Variants in TTLL11 observed in about 807,000 individuals in gnomAD.
The protein encoded by TTLL11 is tubulin polyglutamylase TTLL11.
TTLL11 carries 42 observed loss-of-function variants against 51.7 expected under a neutral mutation model. That is an observed-to-expected ratio of 0.81 (90% confidence interval 0.64 to 1.05). TTLL11 has a LOEUF of 1.05. TTLL11 is among the 50% of genes least tolerant of loss of function. The pLI is 0.00. For missense variants in TTLL11, 799 were observed against 940.4 expected (o/e 0.85, Z 1.97); for synonymous variants, 381 against 383.5 (o/e 0.99, Z 0.08).
chr9:121,951,485 AG>A (rs1841849778), intron 6 of TTLL11, among the ~76,000 whole-genome samples: 1 of 152,252 alleles, frequency 6.6e-6, no homozygotes, highest in Non-Finnish European at 1.5e-5. Context: ...ATAATTTACA[AG>A]GGACACTTAT....
At chr9:121,967,141 G>A (rs906960095) in intron 6 of TTLL11, among the ~76,000 whole-genome samples, 9 of 151,212 alleles carry the variant, frequency 6.0e-5, no homozygotes, top group Non-Finnish European at 1.3e-4. Flanking sequence ...TCCCAGGCCT[G>A]GCTGATACCA....
At chr9:122,092,609 C>CCTGGG in intron 1 of TTLL11, 78 bp downstream of exon 1, 12 of 1,524,446 alleles carry the variant, frequency 7.9e-6, no homozygotes, top group Non-Finnish European at 1.1e-5. Flanking sequence ...GCCGACCTGA[C>CCTGGG]CTGGGCCGTG....
rs1478477703 is a variant in TTLL11, at chr9:122,040,482, T to C, written c.463-1114A>G. ...TTTAAATCTGTAACTCAGATGACCTTGTTAAAGGAGAAAAGAGAGGCCATG... is the reference window on the plus strand; with the variant it reads ...TTTAAATCTGTAACTCAGATGACCTCGTTAAAGGAGAAAAGAGAGGCCATG... On this transcript the variant is annotated intron_variant, in intron 1 of 8. Coordinates refer to ENST00000321582, the MANE Select transcript of TTLL11 (RefSeq NM_001139442.2). 7.5e-6 allele frequency: 7 copies of C among 932,472 alleles called. No individual in the cohort carries two copies. The African/African-American group carries it at 8.9e-5, about 12-fold the overall frequency. 57.8% of individuals were successfully genotyped at this position (932,472 alleles called of 1,614,324 possible).
intron 4 of TTLL11, among the ~76,000 whole-genome samples, chr9:121,984,094 C>A (rs545157746): frequency 3.2e-4 from 48 of 152,048 alleles, no homozygotes; most frequent in Non-Finnish European, 6.3e-4. Flanking sequence ...CAAATTATGT[C>A]CAAGACAGCA....
chr9:122,076,217 C>T (rs1564387440), intron 1 of TTLL11, among the ~76,000 whole-genome samples: 1 of 152,206 alleles, frequency 6.6e-6, no homozygotes, highest in Non-Finnish European at 1.5e-5. Flanking sequence ...TCTCTGCCTC[C>T]ACTCTTCAAG....
chr9:121,859,018 CAG>C (rs1206847713), intron 8 of TTLL11, among the ~76,000 whole-genome samples: 3 of 152,198 alleles, frequency 2.0e-5, no homozygotes, highest in African/African-American at 7.2e-5. Context: ...TGCGGGCTCA[CAG>C]TTCCTGTGTG....
chr9:122,022,407 A>G (rs946770995), intron 3 of TTLL11, among the ~76,000 whole-genome samples: 1 of 152,078 alleles, frequency 6.6e-6, no homozygotes, highest in African/African-American at 2.4e-5. Context: ...AATGTTATAT[A>G]AAGAAGATCA....
chr9:121,973,216 G>A (rs1842618446), intron 6 of TTLL11, among the ~76,000 whole-genome samples: 1 of 152,232 alleles, frequency 6.6e-6, no homozygotes, highest in Admixed American at 6.5e-5. Flanking sequence ...ATGTACCACT[G>A]AGTGGGTGGG....
rs1588218023 is a variant in TTLL11 at position 122,028,714 on chromosome 9, G to A, written c.693+3009C>T. ...ATAAGATGCTACATCAACAACTCCA[G>A]AATACTTATTATTTCCCAGGGCCAT... On this transcript the variant is annotated intron_variant, in intron 3 of 8. Coordinates refer to ENST00000321582, the MANE Select transcript of TTLL11 (RefSeq NM_001139442.2). Among the ~76,000 whole-genome samples the A allele has an allele frequency of 4.6e-5, 7 of 152,194 alleles. No individual in the cohort carries two copies. In the South Asian group the frequency reaches 1.5e-3, roughly 32 times the overall value.
intron 6 of TTLL11, among the ~76,000 whole-genome samples, chr9:121,907,450 C>CAAA (rs5900502): frequency 5.7e-4 from 68 of 118,652 alleles, no homozygotes; most frequent in African/African-American, 1.7e-3. Context: ...AACTCTGTCT[C>CAAA]AAAAAAAAAA....
At chr9:121,887,259 G>T (rs1257543866) in intron 6 of TTLL11, among the ~76,000 whole-genome samples, 3 of 152,206 alleles carry the variant, frequency 2.0e-5, no homozygotes, top group Non-Finnish European at 4.4e-5. Context: ...AGCCCAAGCA[G>T]CTTCCTTTGC....
At chr9:122,021,610 T>C (rs1163863509) in intron 3 of TTLL11, among the ~76,000 whole-genome samples, 2 of 152,206 alleles carry the variant, frequency 1.3e-5, no homozygotes, top group Admixed American at 6.5e-5. Flanking sequence ...TGAGGAATAG[T>C]AAGCCTTAGA....
chr9:121,832,915 G>A (rs1292470625), intron 8 of TTLL11, among the ~76,000 whole-genome samples: 1 of 152,196 alleles, frequency 6.6e-6, no homozygotes, highest in Non-Finnish European at 1.5e-5. Context: ...ACTCCAGCCT[G>A]GGCAACAGAG....
chr9:122,007,297 G>A (rs1036995994), intron 3 of TTLL11, among the ~76,000 whole-genome samples: 4 of 151,726 alleles, frequency 2.6e-5, no homozygotes, highest in African/African-American at 7.3e-5. Flanking sequence ...AAGTAAAAGG[G>A]TGCTCAGAAA....
intron 6 of TTLL11, among the ~76,000 whole-genome samples, chr9:121,945,104 C>T (rs1160149205): frequency 3.3e-5 from 5 of 152,188 alleles, no homozygotes; most frequent in Admixed American, 6.5e-5. Flanking sequence ...GCTCCCTAAG[C>T]GCTGAGTGAC....
intron 6 of TTLL11, 33 bp from the exon 7 acceptor site, chr9:121,870,781 T>C (rs1838332258): frequency 3.4e-6 from 5 of 1,489,148 alleles, no homozygotes; most frequent in Non-Finnish European, 4.5e-6. Flanking sequence ...GATATAACAC[T>C]TTCCCTTTCA....
chr9:121,983,345 A>C (rs988737920), intron 4 of TTLL11, among the ~76,000 whole-genome samples: 2 of 152,176 alleles, frequency 1.3e-5, no homozygotes, highest in African/African-American at 4.8e-5. Context: ...CAAGTAGAAA[A>C]TTAAAGTGGG....
At chr9:122,064,878 A>G (rs1258286569) in intron 1 of TTLL11, among the ~76,000 whole-genome samples, 2 of 152,182 alleles carry the variant, frequency 1.3e-5, no homozygotes, top group Non-Finnish European at 2.9e-5. Context: ...TTATGTGTCC[A>G]AGATTAACCC....
intron 6 of TTLL11, among the ~76,000 whole-genome samples, chr9:121,909,042 C>G (rs1840028384): frequency 6.6e-6 from 1 of 152,206 alleles, no homozygotes; most frequent in Non-Finnish European, 1.5e-5. Context: ...TTCTTCCATT[C>G]AACCCATAAC....
Sources: allele counts gnomAD v4.1 joint callset (sites outside exome capture counted in the v4.1 genomes callset), GRCh38; gene constraint gnomAD v4.1.1; transcripts MANE v1.5; gene names NCBI Gene and HGNC (gene_info 2026-07-23, HGNC 2026-07-21).